COL4A2: variants seen among roughly 807,000 people sequenced by gnomAD.
COL4A2 encodes the protein collagen alpha-2(IV) chain.
In COL4A2, 99 loss-of-function variants were observed where a neutral mutation model predicts 200.2. The observed-to-expected ratio is 0.49, with a 90% CI of 0.42 to 0.58. The LOEUF is 0.58. Among genes scored for constraint, COL4A2 ranks in the 20% least tolerant of loss-of-function variants. The pLI is 0.00. For missense variants in COL4A2, 1,950 were observed against 2,314.1 expected (o/e 0.84, Z 3.23); for synonymous variants, 897 against 900.6 (o/e 1.00, Z 0.07).
intron 28 of COL4A2, among the ~76,000 whole-genome samples, chr13:110,471,675 T>C (rs1882473575): frequency 6.6e-6 from 1 of 152,222 alleles, no homozygotes; most frequent in Non-Finnish European, 1.5e-5. Context: ...AGATCCTTTA[T>C]TCTGTATTCC....
chr13:110,359,550 T>C (rs1158019094), intron 4 of COL4A2, among the ~76,000 whole-genome samples: 1 of 152,206 alleles, frequency 6.6e-6, no homozygotes, highest in Non-Finnish European at 1.5e-5. Context: ...GAATCAGAAA[T>C]TATAACAGCC....
At chr13:110,437,790 A>G (rs1041680053) in intron 13 of COL4A2, among the ~76,000 whole-genome samples, 4 of 152,226 alleles carry the variant, frequency 2.6e-5, no homozygotes, top group Middle Eastern at 3.2e-3. Context: ...TACAGGAATT[A>G]ATTTATCTTG....
In COL4A2 at chr13:110,495,399, C is replaced by T; in HGVS notation, c.3692C>T (p.Pro1231Leu). 1 of 1,614,098 alleles carries T rather than the reference C, an allele frequency of 6.2e-7. No homozygotes were observed. Among genetic ancestry groups the T allele is most frequent in the East Asian group, 2.2e-5 (1 of 44,866 alleles). ...GGCCCTCCTGGGGAAAGAGGTGACC[C>T]AGGAGAGGCCAACACCCTTCCAGGC... is the stretch of plus-strand genomic sequence containing the variant. ...FPGPPGERGDPGEANTLPGPV... is the reference protein window; with the variant it reads ...FPGPPGERGDLGEANTLPGPV... Residue 1231 changes from proline (P) to leucine (L), a missense_variant, in exon 40 of 48, where the codon CCA becomes CTA. By Grantham distance (98) the Pro-to-Leu change is moderately conservative. Transcript: ENST00000360467.
intron 24 of COL4A2, chr13:110,462,942 C>T (rs1418675050): frequency 6.4e-6 from 1 of 155,340 alleles, no homozygotes; most frequent in Non-Finnish European, 1.5e-5. Flanking sequence ...GCATTCTCTT[C>T]TCAGAAGGAC....
intron 37 of COL4A2, among the ~76,000 whole-genome samples, chr13:110,491,825 A>T (rs1428724698): frequency 1.3e-5 from 2 of 152,190 alleles, no homozygotes; most frequent in East Asian, 3.8e-4. Context: ...TAATAGGGCG[A>T]CAATTAAAAC....
chr13:110,469,152 A>G, intron 27 of COL4A2, 65 bp from the exon 28 acceptor site: 1 of 1,535,496 alleles, frequency 6.5e-7, no homozygotes, highest in Non-Finnish European at 8.8e-7. Context: ...TCAGATGCCA[A>G]GCATGACCAT....
At chr13:110,364,295 A>G (rs1434390242) in intron 4 of COL4A2, among the ~76,000 whole-genome samples, 1 of 152,184 alleles carries the variant, frequency 6.6e-6, no homozygotes, top group African/African-American at 2.4e-5. Flanking sequence ...CTTTGGAGCA[A>G]AGGTGGTCTG....
At chr13:110,380,828 C>T (rs1878445898) in intron 4 of COL4A2, among the ~76,000 whole-genome samples, 1 of 144,508 alleles carries the variant, frequency 6.9e-6, no homozygotes, top group South Asian at 2.4e-4. Flanking sequence ...CACCCACGTG[C>T]TCTATCTCAC....
intron 45 of COL4A2, among the ~76,000 whole-genome samples, chr13:110,506,211 C>T (rs1438561874): frequency 6.6e-6 from 1 of 150,728 alleles, no homozygotes; most frequent in Non-Finnish European, 1.5e-5. Context: ...TGCACCAGGC[C>T]GTCCACTCAC....
Position 110,442,041 on chromosome 13 carries a change from G to A in COL4A2, c.957+2208G>A, listed in dbSNP as rs140077431. Among the ~76,000 whole-genome samples the A allele has an allele frequency of 2.1e-3, 266 of 125,600 alleles. 1 individual carries two copies. Among genetic ancestry groups the A allele is most frequent in the Middle Eastern group, 0.011 (2 of 184 alleles). 82.4% of individuals were successfully genotyped at this position (125,600 alleles called of 152,430 possible). ...GCAGAGGTTGCAGTGAGCCAAGATC[G>A]CACCACTGCACTCCAGCCTGGGAGA... On this transcript the variant is annotated intron_variant, in intron 16 of 47. Coordinates refer to ENST00000360467, the MANE Select transcript of COL4A2 (RefSeq NM_001846.4).
intron 3 of COL4A2, among the ~76,000 whole-genome samples, chr13:110,310,222 G>A (rs1884936766): frequency 6.6e-6 from 1 of 152,114 alleles, no homozygotes. Context: ...AACATTGATT[G>A]CCCAGCAGAG....
At chr13:110,425,090 C>A in intron 6 of COL4A2, 93 bp downstream of exon 6, 1 of 1,498,420 alleles carries the variant, frequency 6.7e-7, no homozygotes, top group South Asian at 1.2e-5. Context: ...ATGAGACCTC[C>A]TTTTTTGTTT....
intron 3 of COL4A2, among the ~76,000 whole-genome samples, chr13:110,332,225 A>AT (rs1566477353): frequency 6.6e-6 from 1 of 152,218 alleles, no homozygotes; most frequent in African/African-American, 2.4e-5. Flanking sequence ...AGTATACATT[A>AT]AGTAGACTTC....
At chr13:110,450,582 G>T in intron 20 of COL4A2, 128 bp downstream of exon 20, 1 of 1,096,500 alleles carries the variant, frequency 9.1e-7, no homozygotes, top group Non-Finnish European at 1.3e-6. Context: ...AGTGATTAGG[G>T]TGCAGTGGAT....
At chr13:110,418,273 T>A (rs574542118) in intron 4 of COL4A2, among the ~76,000 whole-genome samples, 75 of 152,348 alleles carry the variant, frequency 4.9e-4, no homozygotes, top group African/African-American at 1.8e-3. Flanking sequence ...CCGGAAGAAG[T>A]TGTTTATCAG....
In COL4A2 at chr13:110,469,258, G is replaced by A. The variant is rs1275649825; in HGVS notation, c.2137G>A (p.Asp713Asn). ...LRGIPGFAGA[D>N]GGPGPRGLPG... ...AGGAATCCCAGGCTTCGCAGGAGCTGATGGAGGACCAGGGCCCAGGGGCTT... is the reference window on the plus strand; with the variant it reads ...AGGAATCCCAGGCTTCGCAGGAGCTAATGGAGGACCAGGGCCCAGGGGCTT... Residue 713 changes from aspartate (D) to asparagine (N), a missense_variant, in exon 28 of 48, where the codon GAT becomes AAT. Physicochemically the swap from Asp to Asn is conservative, Grantham distance 23. Around this residue, in one of 2 missense-constraint regions of COL4A2, gnomAD observed 1,385 missense variants for 1,720.5 expected, o/e 0.80. Coordinates refer to ENST00000360467, the MANE Select transcript of COL4A2 (RefSeq NM_001846.4). 6.2e-7 allele frequency: 1 copy of A among 1,604,134 alleles called. No individual in the cohort carries two copies. Among genetic ancestry groups the A allele is most frequent in the South Asian group, 1.1e-5 (1 of 88,526 alleles).
intron 4 of COL4A2, among the ~76,000 whole-genome samples, chr13:110,382,450 C>G (rs1390247040): frequency 6.6e-6 from 1 of 152,138 alleles, no homozygotes; most frequent in African/African-American, 2.4e-5. Context: ...AGTAAAGTAT[C>G]AAAACAGGTG....
chr13:110,449,561 C>G, intron 18 of COL4A2, 118 bp from the exon 19 acceptor site: 1 of 930,824 alleles, frequency 1.1e-6, no homozygotes. Flanking sequence ...AACTCCTCAT[C>G]AGGCCGCATA....
Position 110,467,244 on chromosome 13 carries a change from G to A in COL4A2, c.2095+148G>A, listed in dbSNP as rs538700587. The A allele has an allele frequency of 1.3e-4, 130 of 1,028,612 alleles. No individual in the cohort carries two copies. In the South Asian group the frequency reaches 2.1e-3, roughly 16 times the overall value. The allele number at this position is 1,028,612 out of a possible 1,614,324, so 63.7% of individuals were successfully genotyped here. A position where few individuals can be genotyped will look rare whatever the true frequency, so the allele number is the denominator to read the frequency against. On this transcript the variant is annotated intron_variant, in intron 27 of 47. Coordinates refer to ENST00000360467, the MANE Select transcript of COL4A2 (RefSeq NM_001846.4). Reference sequence around the variant, plus strand: ...GCATCTCAGCACAAACTGGTCTTGCGCCTACAGGGAGCCCACTGTCATTTG... The same window carrying A: ...GCATCTCAGCACAAACTGGTCTTGCACCTACAGGGAGCCCACTGTCATTTG...
Sources: gnomAD v4.1 joint callset for allele counts (sites outside exome capture counted in the v4.1 genomes callset) on GRCh38, gnomAD v4.1.1 for gene constraint, gnomAD v4.1.1 regional missense constraint, MANE v1.5 for transcripts, NCBI Gene and HGNC (gene_info 2026-07-23, HGNC 2026-07-21) for gene names.